Variants in EXOC4 observed in about 807,000 individuals in gnomAD.
The protein encoded by EXOC4 is exocyst complex component 4.
EXOC4 carries 71 observed loss-of-function variants against 107.2 expected under a neutral mutation model. The ratio of observed to expected loss-of-function variants is 0.66; its 90% CI spans 0.55 to 0.81. The LOEUF is 0.81. EXOC4 is among the 30% of genes least tolerant of loss of function. The pLI is 0.00. For missense variants in EXOC4, 1,108 were observed against 1,189.6 expected (o/e 0.93, Z 1.01); for synonymous variants, 456 against 441.2 (o/e 1.03, Z -0.42).
At chr7:133,583,894 G>T (rs1446305528) in intron 9 of EXOC4, among the ~76,000 whole-genome samples, 2 of 152,186 alleles carry the variant, frequency 1.3e-5, no homozygotes, top group Non-Finnish European at 2.9e-5. Context: ...GCCAAGGCAA[G>T]GAGACAGGGT....
At chr7:133,296,182 T>TG (rs1794515601) in intron 3 of EXOC4, among the ~76,000 whole-genome samples, 1 of 152,188 alleles carries the variant, frequency 6.6e-6, no homozygotes, top group South Asian at 2.1e-4. Flanking sequence ...CATGTGATAA[T>TG]GCCATTGTTG....
the EXOC4 span, among the ~76,000 whole-genome samples, chr7:134,072,479 A>G: frequency 6.5e-4 from 99 of 152,278 alleles, no homozygotes; most frequent in African/African-American, 2.4e-3. Context: ...CTTCAGGGGA[A>G]GGTCAGAAAA....
intron 14 of EXOC4, among the ~76,000 whole-genome samples, chr7:133,976,795 A>C (rs947981229): frequency 1.3e-5 from 2 of 152,174 alleles, no homozygotes; most frequent in Admixed American, 6.5e-5. Flanking sequence ...TATTTTTTTA[A>C]CTTAGCTCTT....
intron 14 of EXOC4, among the ~76,000 whole-genome samples, chr7:133,986,711 G>A (rs532405478): frequency 6.6e-6 from 1 of 152,260 alleles, no homozygotes; most frequent in South Asian, 2.1e-4. Flanking sequence ...AAAGCACTGG[G>A]GTAAGGAAAG....
chr7:133,627,975 G>A (rs553239199), intron 9 of EXOC4, among the ~76,000 whole-genome samples: 6 of 152,242 alleles, frequency 3.9e-5, no homozygotes, highest in Non-Finnish European at 7.3e-5. Flanking sequence ...TTTATCAGTC[G>A]ATTTCCAAGA....
chr7:133,888,647 T>A (rs1462142791), intron 11 of EXOC4, among the ~76,000 whole-genome samples: 30 of 152,342 alleles, frequency 2.0e-4, no homozygotes, highest in Admixed American at 1.8e-3. Context: ...ATAGTTTTTT[T>A]AATTCAGTTT....
At position 133,937,975 on chromosome 7, in the gene EXOC4, C is replaced by T. The variant is rs747353207; in HGVS notation, c.2112C>T (p.Val704=). The T allele has an allele frequency of 6.2e-6, 10 of 1,614,050 alleles. No homozygotes were observed. The highest frequency in any genetic ancestry group is 7.6e-6 in the Non-Finnish European group (9 of 1,180,044). ...LIPPQDILRD[V]SDLKALANMH... ...CTCCACAAGACATCCTTCGTGACGT[C>T]AGTGACCTCAAAGCCTTGGCCAACA... The change falls in exon 14 of 18, where the codon GTC becomes GTT. Residue 704 remains valine (V), a synonymous_variant. Transcript: ENST00000253861.
At chr7:133,282,458 T>C (rs1418815927) in intron 2 of EXOC4, among the ~76,000 whole-genome samples, 1 of 152,198 alleles carries the variant, frequency 6.6e-6, no homozygotes, top group Non-Finnish European at 1.5e-5. Context: ...TAACATAATT[T>C]TTCAATCTTA....
chr7:133,628,347 C>G (rs1802506258), intron 9 of EXOC4, among the ~76,000 whole-genome samples: 1 of 152,188 alleles, frequency 6.6e-6, no homozygotes, highest in Non-Finnish European at 1.5e-5. Context: ...CACTTCAAGC[C>G]TTCTCTGACA....
chr7:133,618,761 A>G (rs1802255690), intron 9 of EXOC4, among the ~76,000 whole-genome samples: 1 of 152,192 alleles, frequency 6.6e-6, no homozygotes, highest in African/African-American at 2.4e-5. Flanking sequence ...TTTAAAGTGT[A>G]TTCTACCTTG....
Position 133,697,643 on chromosome 7 carries a change from G to T in EXOC4, c.1514+67502G>T, listed in dbSNP as rs755841590. On this transcript the variant is annotated intron_variant, in intron 10 of 17. Transcript: ENST00000253861. ...ATGGGGACCACTGCGATGGGGCCTCGCAGTGTGGGAGAGAGATTGGGCTCT... is the reference window on the plus strand; with the variant it reads ...ATGGGGACCACTGCGATGGGGCCTCTCAGTGTGGGAGAGAGATTGGGCTCT... 8.8e-4 allele frequency among the ~76,000 whole-genome samples: 134 copies of T among 152,268 alleles called. 1 individual carries two copies. Among genetic ancestry groups the T allele is most frequent in the African/African-American group, 3.0e-3 (126 of 41,546 alleles).
chr7:134,044,121 G>A (rs1019128142), intron 17 of EXOC4, among the ~76,000 whole-genome samples: 1 of 152,190 alleles, frequency 6.6e-6, no homozygotes, highest in Admixed American at 6.5e-5. Flanking sequence ...GTGGAGAAGA[G>A]CTCAAAGGAG....
intron 7 of EXOC4, among the ~76,000 whole-genome samples, chr7:133,428,692 G>A (rs577389898): frequency 1.3e-5 from 2 of 152,192 alleles, no homozygotes; most frequent in Admixed American, 6.5e-5. Context: ...TATAATATTC[G>A]GGTTCCTTCA....
At position 133,445,446 on chromosome 7, in the gene EXOC4, G is replaced by A. The variant is rs1362145082; in HGVS notation, c.1183-29882G>A. On this transcript the variant is annotated intron_variant, in intron 7 of 17. Transcript: ENST00000253861. ...TGACGGGAAAACACAACTCAAAATT[G>A]TTAGGACCAATCTTAGAATCCAAGG... Among the ~76,000 whole-genome samples the A allele has an allele frequency of 3.3e-5, 5 of 152,236 alleles. No homozygotes were observed. The East Asian group carries it at 9.7e-4, about 29-fold the overall frequency.
chr7:133,454,862 GC>G (rs1198991919), intron 7 of EXOC4, among the ~76,000 whole-genome samples: 1 of 152,130 alleles, frequency 6.6e-6, no homozygotes, highest in Non-Finnish European at 1.5e-5. Flanking sequence ...ACTTTGGGAT[GC>G]CGAGGCAGGT....
intron 5 of EXOC4, among the ~76,000 whole-genome samples, chr7:133,337,392 C>G (rs1254476309): frequency 6.6e-6 from 1 of 152,022 alleles, no homozygotes; most frequent in Non-Finnish European, 1.5e-5. Context: ...TGGTACTGTT[C>G]AACATTTTCA....
rs188618119 is a variant in EXOC4 at position 133,558,216 on chromosome 7, C to T, written c.1418-71829C>T. Among the ~76,000 whole-genome samples, 93 of 137,462 alleles carry T rather than the reference C, an allele frequency of 6.8e-4. 1 individual carries two copies. Among genetic ancestry groups the T allele is most frequent in the African/African-American group, 3.0e-3 (91 of 30,110 alleles). The allele number at this position is 137,462 out of a possible 152,430, so 90.2% of individuals were successfully genotyped here. ...CTTTTCTTTTCTTTTCTTTTCTTTT[C>T]TTTTCTTTTCTTTTCTTTTCTTTTC... On this transcript the variant is annotated intron_variant, in intron 9 of 17. Coordinates refer to ENST00000253861, the MANE Select transcript of EXOC4 (RefSeq NM_021807.4).
chr7:133,494,173 G>A (rs1232834773), intron 9 of EXOC4, among the ~76,000 whole-genome samples: 1 of 152,176 alleles, frequency 6.6e-6, no homozygotes, highest in African/African-American at 2.4e-5. Context: ...TAATACGTTG[G>A]TGAGGGAGAG....
intron 9 of EXOC4, among the ~76,000 whole-genome samples, chr7:133,590,018 A>G (rs1585017368): frequency 6.6e-6 from 1 of 152,200 alleles, no homozygotes; most frequent in Middle Eastern, 3.4e-3. Flanking sequence ...GTCAGCAGAA[A>G]AGAGGGGGTT....
Sources: allele counts gnomAD v4.1 joint callset (sites outside exome capture counted in the v4.1 genomes callset), GRCh38; gene constraint gnomAD v4.1.1; transcripts MANE v1.5; gene names NCBI Gene and HGNC (gene_info 2026-07-23, HGNC 2026-07-21).